Variants in INTS14 observed in about 807,000 individuals in gnomAD.
INTS14 encodes the protein integrator complex subunit 14, also known as UPF0464 protein C15orf44.
A neutral mutation model predicts 56.9 loss-of-function variants in INTS14; 27 were observed. The ratio of observed to expected loss-of-function variants is 0.47; its 90% CI spans 0.35 to 0.65. INTS14 has a LOEUF of 0.65. Among genes scored for constraint, INTS14 ranks in the 30% least tolerant of loss-of-function variants. INTS14 has a pLI of 0.00. For synonymous variants in INTS14, 207 were observed against 236.2 expected (o/e 0.88, Z 1.13); for missense variants, 517 against 632.2 (o/e 0.82, Z 1.95).
At chr15:65,591,284 A>G (rs2073017772) in intron 9 of INTS14, among the ~76,000 whole-genome samples, 1 of 152,262 alleles carries the variant, frequency 6.6e-6, no homozygotes, top group Non-Finnish European at 1.5e-5. Flanking sequence ...TACATTATCT[A>G]GGAATGACAG....
chr15:65,581,965 T>C lies in INTS14; in HGVS notation c.1294A>G (p.Thr432Ala), dbSNP rs768345712. Residue 432 changes from threonine to alanine, a missense_variant, in exon 11 of 12, where the codon ACA (threonine) becomes GCA (alanine). Thr to Ala is a moderately conservative substitution (Grantham distance 58). Transcript: ENST00000313182. ...NARKLPEKTQ[T>A]FYKELNRLRK... Reference sequence around the variant, plus strand: ...TCTGTCTGTCTCACCTTATAGAATGTCTGTGTTTTTTCAGGTAGTTTCCTT... The same window carrying C: ...TCTGTCTGTCTCACCTTATAGAATGCCTGTGTTTTTTCAGGTAGTTTCCTT... The C allele has an allele frequency of 2.5e-6, 4 of 1,613,336 alleles. No homozygotes were observed. In the African/African-American group the frequency reaches 4.0e-5, roughly 16 times the overall value.
intron 9 of INTS14, among the ~76,000 whole-genome samples, chr15:65,585,223 A>G (rs1301926649): frequency 5.3e-5 from 8 of 152,028 alleles, no homozygotes; most frequent in Non-Finnish European, 8.8e-5. Flanking sequence ...ATATACTGCA[A>G]TTCTATATAG....
chr15:65,596,133 T>C (rs1198919629), intron 6 of INTS14, among the ~76,000 whole-genome samples: 7 of 152,184 alleles, frequency 4.6e-5, no homozygotes, highest in Non-Finnish European at 7.3e-5. Context: ...TAGTCAGGGA[T>C]GTTCAGGTCA....
intron 3 of INTS14, among the ~76,000 whole-genome samples, chr15:65,600,379 A>G (rs1335375942): frequency 6.6e-6 from 1 of 152,172 alleles, no homozygotes; most frequent in Non-Finnish European, 1.5e-5. Flanking sequence ...CTGTAATCCC[A>G]GCACTTTGGG....
At chr15:65,583,236 C>T (rs1206299663) in intron 10 of INTS14, among the ~76,000 whole-genome samples, 1 of 152,140 alleles carries the variant, frequency 6.6e-6, no homozygotes, top group African/African-American at 2.4e-5. Flanking sequence ...AAAACTTATA[C>T]ATGAATGTTT....
rs907184570 is a variant in INTS14 at position 65,594,342 on chromosome 15, C to A, written c.842-770G>T. Among the ~76,000 whole-genome samples, 3 of 151,940 alleles carry A rather than the reference C, an allele frequency of 2.0e-5. No individual in the cohort carries two copies. In the East Asian group the frequency reaches 5.8e-4, roughly 29 times the overall value. On this transcript the variant is annotated intron_variant, in intron 7 of 11. Transcript: ENST00000313182. ...ATTAGCCCAGTTTAGCTAGAAAATT[C>A]AACAGCCCTTACAAAATGGCCCTAC...
intron 8 of INTS14, among the ~76,000 whole-genome samples, chr15:65,592,345 C>T (rs575998562): frequency 6.6e-6 from 1 of 152,282 alleles, no homozygotes; most frequent in South Asian, 2.1e-4. Flanking sequence ...TGATCTATAC[C>T]AGCCAACCCC....
rs2073038053 is a variant in INTS14 at position 65,591,674 on chromosome 15, G to A, written c.1044C>T (p.Leu348=). The change falls in exon 9 of 12, where the codon CTC becomes CTT. Residue 348 remains leucine, a synonymous_variant. Transcript: ENST00000313182. The part of the protein sequence containing the change: ...SQADSKKKSN[L]MMSLFEPGPE... Reference sequence around the variant, plus strand: ...GGCCAGGCTCAAAGAGAGACATCATGAGGTTTGATTTCTTCTTGCTGTCAG... The same window carrying A: ...GGCCAGGCTCAAAGAGAGACATCATAAGGTTTGATTTCTTCTTGCTGTCAG... 9 of 1,614,158 alleles carry A rather than the reference G, an allele frequency of 5.6e-6. No homozygotes were observed. The highest frequency in any genetic ancestry group is 7.6e-6 in the Non-Finnish European group (9 of 1,180,010).
chr15:65,598,559 T>C, intron 5 of INTS14, 96 bp from the exon 6 acceptor site: 1 of 1,286,180 alleles, frequency 7.8e-7, no homozygotes, highest in Non-Finnish European at 1.1e-6. Context: ...TCAAGTTGGT[T>C]CCAAAACTAA....
At position 65,605,098 on chromosome 15, in the gene INTS14, C is replaced by G. The variant is rs769818709; in HGVS notation, c.330+31G>C. The G allele has an allele frequency of 1.9e-6, 3 of 1,541,468 alleles. No individual in the cohort carries two copies. In the South Asian group the frequency reaches 3.3e-5, roughly 17 times the overall value. On this transcript the variant is annotated intron_variant, in intron 3 of 11. Transcript: ENST00000313182. ...GCACCTCAGTGGTTAATGTTGTTAA[C>G]TTAGGGCAATGAAAAAGAATTGATC...
At position 65,586,893 on chromosome 15, in the gene INTS14, T is replaced by C. The variant is rs975773655; in HGVS notation, c.1121-2005A>G. 4.6e-5 allele frequency: 7 copies of C among 152,044 alleles called. No homozygotes were observed. The East Asian group carries it at 1.2e-3, about 25-fold the overall frequency. 9.4% of individuals were successfully genotyped at this position (152,044 alleles called of 1,614,324 possible). ...ATCATGAATTGCCAGATGGAAAGGG[T>C]CCACTGAGTGCCTAGCAAAATCAAT... On this transcript the variant is annotated intron_variant, in intron 9 of 11. Coordinates refer to ENST00000313182, the MANE Select transcript of INTS14 (RefSeq NM_001394796.1).
chr15:65,603,739 A>G (rs1165130226), intron 3 of INTS14, among the ~76,000 whole-genome samples: 2 of 152,236 alleles, frequency 1.3e-5, no homozygotes, highest in African/African-American at 4.8e-5. Flanking sequence ...CCCACAGGCT[A>G]AATTTGGCCC....
chr15:65,606,840 T>C (rs2073671762), intron 2 of INTS14, among the ~76,000 whole-genome samples: 1 of 152,060 alleles, frequency 6.6e-6, no homozygotes, highest in Non-Finnish European at 1.5e-5. Context: ...TAGAAAAAAA[T>C]TAAGTGTTGA....
At chr15:65,586,273 G>A (rs567897876) in intron 9 of INTS14, among the ~76,000 whole-genome samples, 24 of 152,294 alleles carry the variant, frequency 1.6e-4, no homozygotes, top group Non-Finnish European at 1.5e-4. Flanking sequence ...ACTCTAGAGC[G>A]AAGATGTTAT....
intron 8 of INTS14, among the ~76,000 whole-genome samples, chr15:65,592,997 C>T (rs927743695): frequency 4.0e-5 from 6 of 151,674 alleles, no homozygotes; most frequent in African/African-American, 1.2e-4. Context: ...GCTCAATGCC[C>T]GTAATCCCAG....
In INTS14 at chr15:65,597,206, A is replaced by G. The variant is rs576556379; in HGVS notation, c.748+1115T>C. ...TGCTTCCAGAAGCTAAAGGCACAAA[A>G]AGTAAAAAGACTGTTCACAGCCCCT... is the stretch of plus-strand genomic sequence containing the variant. On this transcript the variant is annotated intron_variant, in intron 6 of 11. Coordinates refer to ENST00000313182, the MANE Select transcript of INTS14 (RefSeq NM_001394796.1). 2.6e-5 allele frequency among the ~76,000 whole-genome samples: 4 copies of G among 152,300 alleles called. No individual in the cohort carries two copies. The East Asian group carries it at 7.7e-4, about 29-fold the overall frequency.
chr15:65,602,286 CTT>C (rs199817472), intron 3 of INTS14, among the ~76,000 whole-genome samples: 129 of 141,674 alleles, frequency 9.1e-4, no homozygotes, highest in East Asian at 1.0e-3. Flanking sequence ...AAAAATTCCA[CTT>C]TTTTTTTTTT....
chr15:65,590,267 A>G (rs1398383655), intron 9 of INTS14, among the ~76,000 whole-genome samples: 1 of 152,218 alleles, frequency 6.6e-6, no homozygotes, highest in Non-Finnish European at 1.5e-5. Flanking sequence ...TCTCACTTGG[A>G]TTATGGCCAT....
At chr15:65,604,114 C>T (rs750531094) in intron 3 of INTS14, among the ~76,000 whole-genome samples, 10 of 152,176 alleles carry the variant, frequency 6.6e-5, no homozygotes, top group Admixed American at 3.9e-4. Flanking sequence ...CACACAGTCT[C>T]GCTCTGTCGC....
Sources: allele counts gnomAD v4.1 joint callset (sites outside exome capture counted in the v4.1 genomes callset), GRCh38; gene constraint gnomAD v4.1.1; transcripts MANE v1.5; gene names NCBI Gene and HGNC (gene_info 2026-07-23, HGNC 2026-07-21).